PPP3CC: variants seen among roughly 807,000 people sequenced by gnomAD.
PPP3CC encodes the protein serine/threonine-protein phosphatase 2B catalytic subunit gamma isoform.
In PPP3CC, 35 loss-of-function variants were observed where a neutral mutation model predicts 60.3. That is an observed-to-expected ratio of 0.58 (90% CI 0.44 to 0.77). PPP3CC has a LOEUF of 0.77. Ranked by LOEUF, PPP3CC falls within the 30% of genes least tolerant of loss-of-function variation. The pLI is 0.00. For synonymous variants in PPP3CC, 206 were observed against 224.3 expected (o/e 0.92, Z 0.73); for missense variants, 570 against 628.9 (o/e 0.91, Z 1.00).
chr8:22,475,014 C>G lies in PPP3CC; in HGVS notation c.110C>G (p.Pro37Arg). 1.2e-6 allele frequency: 2 copies of G among 1,612,570 alleles called. No homozygotes were observed. The highest frequency in any genetic ancestry group is 1.7e-6 in the Non-Finnish European group (2 of 1,179,106). Residue 37 changes from proline (P) to arginine (R), a missense_variant, in exon 2 of 14, where the codon CCT (proline) becomes CGT (arginine). By Grantham distance (103) the Pro-to-Arg change is moderately radical. Transcript: ENST00000240139. ...AAGGAAGTATTTGAGAATGGGAAAC[C>G]TAAAGTTGATGTTTTAAAAAACCAT... Reference protein sequence around the residue: ...TFKEVFENGKPKVDVLKNHLV... With the variant: ...TFKEVFENGKRKVDVLKNHLV...
intron 10 of PPP3CC, among the ~76,000 whole-genome samples, chr8:22,530,416 C>T (rs1839674279): frequency 1.3e-5 from 2 of 151,886 alleles, no homozygotes; most frequent in South Asian, 4.1e-4. Context: ...GATCTTGCCA[C>T]TACACTCTAG....
chr8:22,510,889 A>G, intron 4 of PPP3CC, 197 bp from the exon 5 acceptor site: 1 of 548,198 alleles, frequency 1.8e-6, no homozygotes, highest in Non-Finnish European at 3.2e-6. Context: ...CCAAGGTCAC[A>G]CTTGTCTTTA....
At chr8:22,510,012 C>T (rs187539735) in intron 4 of PPP3CC, among the ~76,000 whole-genome samples, 267 of 152,118 alleles carry the variant, frequency 1.8e-3, no homozygotes, top group African/African-American at 6.2e-3. Context: ...GGTGAAACCC[C>T]GTCCCTACTA....
intron 1 of PPP3CC, among the ~76,000 whole-genome samples, chr8:22,452,395 G>C (rs1160961141): frequency 6.6e-6 from 1 of 152,116 alleles, no homozygotes; most frequent in East Asian, 1.9e-4. Context: ...ATTTAGCCAA[G>C]GGGACTTCTG....
intron 3 of PPP3CC, chr8:22,492,951 A>C: frequency 8.0e-7 from 1 of 1,252,830 alleles, no homozygotes; most frequent in Non-Finnish European, 1.2e-6. Flanking sequence ...CTGTCTGACT[A>C]GTTTAAGGAG....
At chr8:22,478,118 A>T (rs1458040607) in intron 3 of PPP3CC, among the ~76,000 whole-genome samples, 3 of 142,808 alleles carry the variant, frequency 2.1e-5, no homozygotes, top group Non-Finnish European at 4.6e-5. Flanking sequence ...CCAAAGTGCT[A>T]GGATTACAGG....
Position 22,523,511 on chromosome 8 carries a change from T to C in PPP3CC, c.943+762T>C, listed in dbSNP as rs539904935. On this transcript the variant is annotated intron_variant, in intron 8 of 13. Transcript: ENST00000240139. ...ATTAATAGGACTTTGAAAATAAACA[T>C]GCCAGAACAAACATATCCAAATGAG... 8 of 208,026 alleles carry C rather than the reference T, an allele frequency of 3.8e-5. No homozygotes were observed. In the South Asian group the frequency reaches 4.7e-4, roughly 12 times the overall value. 12.9% of individuals were successfully genotyped at this position (208,026 alleles called of 1,614,324 possible).
At chr8:22,467,757 A>G (rs1039835971) in intron 1 of PPP3CC, among the ~76,000 whole-genome samples, 44 of 152,134 alleles carry the variant, frequency 2.9e-4, no homozygotes, top group African/African-American at 1.0e-3. Context: ...AATGCCTTAG[A>G]CTGGGTAATT....
At chr8:22,443,482 C>T (rs1490294199) in intron 1 of PPP3CC, among the ~76,000 whole-genome samples, 1 of 142,200 alleles carries the variant, frequency 7.0e-6, no homozygotes, top group African/African-American at 2.7e-5. Context: ...AATGGTGCCA[C>T]TGCATTCCAG....
chr8:22,501,521 C>T (rs764123302), intron 4 of PPP3CC, among the ~76,000 whole-genome samples: 41 of 152,146 alleles, frequency 2.7e-4, no homozygotes, highest in Non-Finnish European at 4.9e-4. Context: ...GGATTAAGGT[C>T]CCTGTTGTCC....
intron 1 of PPP3CC, among the ~76,000 whole-genome samples, chr8:22,447,064 G>A (rs532306062): frequency 1.3e-5 from 2 of 151,952 alleles, no homozygotes; most frequent in African/African-American, 4.8e-5. Flanking sequence ...CTGGAGTACA[G>A]TGGCGCGATC....
At chr8:22,483,300 A>G (rs1001281773) in intron 3 of PPP3CC, among the ~76,000 whole-genome samples, 1 of 151,980 alleles carries the variant, frequency 6.6e-6, no homozygotes, top group Non-Finnish European at 1.5e-5. Context: ...TTATTTATTT[A>G]TTTTGACACG....
At chr8:22,490,551 C>T (rs533388052) in intron 3 of PPP3CC, among the ~76,000 whole-genome samples, 1 of 151,956 alleles carries the variant, frequency 6.6e-6, no homozygotes, top group East Asian at 1.9e-4. Context: ...GTGCTGCACC[C>T]ATTAACTCGT....
At chr8:22,490,935 G>A (rs1838385505) in intron 3 of PPP3CC, among the ~76,000 whole-genome samples, 1 of 152,100 alleles carries the variant, frequency 6.6e-6, no homozygotes. Flanking sequence ...TGTCTTTATA[G>A]CAGCATGACT....
chr8:22,442,465 C>T (rs543445228), intron 1 of PPP3CC, among the ~76,000 whole-genome samples: 126 of 152,280 alleles, frequency 8.3e-4, no homozygotes, highest in African/African-American at 3.0e-3. Flanking sequence ...GGTGAAACGC[C>T]TTATTGCATG....
At chr8:22,448,898 G>C (rs1479234753) in intron 1 of PPP3CC, among the ~76,000 whole-genome samples, 2 of 152,172 alleles carry the variant, frequency 1.3e-5, no homozygotes, top group African/African-American at 2.4e-5. Flanking sequence ...GCATATGGGT[G>C]TTCATTTTAT....
At chr8:22,478,805 A>G (rs73546087) in intron 3 of PPP3CC, among the ~76,000 whole-genome samples, 1,808 of 152,326 alleles carry the variant, frequency 0.012, 40 homozygotes, top group African/African-American at 0.042. Flanking sequence ...AGCGTTTTTC[A>G]TATTAGGACT....
chr8:22,532,806 A>T, intron 11 of PPP3CC, 115 bp from the exon 12 acceptor site: 1 of 603,964 alleles, frequency 1.7e-6, no homozygotes, highest in Non-Finnish European at 2.8e-6. Context: ...AAGGCGTAGG[A>T]GGTAGGAGAA....
intron 8 of PPP3CC, among the ~76,000 whole-genome samples, chr8:22,524,681 T>C (rs1164961893): frequency 2.0e-5 from 3 of 152,244 alleles, no homozygotes; most frequent in Admixed American, 2.0e-4. Context: ...CTCACTTTCT[T>C]TTTTAACTTC....
Sources: allele counts gnomAD v4.1 joint callset (sites outside exome capture counted in the v4.1 genomes callset), GRCh38; gene constraint gnomAD v4.1.1; transcripts MANE v1.5; gene names NCBI Gene and HGNC (gene_info 2026-07-23, HGNC 2026-07-21).